TJP1: variants seen among roughly 807,000 people sequenced by gnomAD.
The protein encoded by TJP1 is tight junction protein ZO-1.
Under a neutral mutation model 194.2 loss-of-function variants are expected in TJP1, and 43 were observed. That is an observed-to-expected ratio of 0.22 (90% confidence interval 0.17 to 0.29). The LOEUF is 0.29. TJP1 is among the 10% of genes least tolerant of loss of function. TJP1 has a pLI of 1.00. For missense variants in TJP1, 1,971 were observed against 2,185.7 expected, an observed-to-expected ratio of 0.90 and a Z score of 1.96; for synonymous variants, 801 against 779.0, an observed-to-expected ratio of 1.03 and a Z score of -0.47.
intron 2 of TJP1, among the ~76,000 whole-genome samples, chr15:29,774,259 G>A (rs888404172): frequency 1.3e-5 from 2 of 151,666 alleles, no homozygotes; most frequent in African/African-American, 4.8e-5. Flanking sequence ...TTTTCACCAT[G>A]AATAGTGCAT....
At chr15:29,913,098 A>G (rs1358658649) in intron 2 of TJP1, among the ~76,000 whole-genome samples, 4 of 152,196 alleles carry the variant, frequency 2.6e-5, no homozygotes, top group African/African-American at 9.7e-5. Flanking sequence ...AGACAAGGAC[A>G]GCACAAGCAG....
intron 1 of TJP1, among the ~76,000 whole-genome samples, chr15:29,808,265 T>C (rs2049242074): frequency 6.6e-6 from 1 of 152,066 alleles, no homozygotes; most frequent in Admixed American, 6.6e-5. Flanking sequence ...GAGACTGTCT[T>C]AAAACAAAAA....
chr15:29,836,571 G>T (rs2051039540), intron 2 of TJP1, among the ~76,000 whole-genome samples: 1 of 152,050 alleles, frequency 6.6e-6, no homozygotes, highest in Non-Finnish European at 1.5e-5. Context: ...CGCCCAGCCG[G>T]GATGATCAAC....
In TJP1 at chr15:29,854,735, C is replaced by A. The variant is rs1051639267; in HGVS notation, c.307-54033G>T. ...CTCCCTTCACCCGGAGTACAATCCA[C>A]GCACCTGCCAATCAAAGCAACAAAG... On this transcript the variant is annotated intron_variant, in intron 2 of 28. Transcript: ENST00000356107. Among the ~76,000 whole-genome samples, 4 of 152,110 alleles carry A rather than the reference C, an allele frequency of 2.6e-5. 1 individual carries two copies. The South Asian group carries it at 6.2e-4, about 24-fold the overall frequency.
chr15:29,950,777 G>A (rs1009999581), intron 2 of TJP1, among the ~76,000 whole-genome samples: 10 of 152,156 alleles, frequency 6.6e-5, no homozygotes, highest in Admixed American at 4.6e-4. Flanking sequence ...AAAAACTTAG[G>A]ATGTGTTTAA....
chr15:29,963,380 C>T (rs1025600169), intron 1 of TJP1, among the ~76,000 whole-genome samples: 9 of 152,080 alleles, frequency 5.9e-5, no homozygotes, highest in African/African-American at 1.9e-4. Flanking sequence ...AAGTCAATGA[C>T]CTAATTTGTA....
intron 5 of TJP1, among the ~76,000 whole-genome samples, chr15:29,763,968 A>C (rs1276960866): frequency 2.6e-5 from 4 of 152,152 alleles, no homozygotes; most frequent in African/African-American, 9.7e-5. Context: ...TCAAGATTAA[A>C]CACTTATAAA....
Position 29,822,111 on chromosome 15 carries a change from C to G in TJP1, c.-83G>C. 8.2e-7 allele frequency: 1 copy of G among 1,222,120 alleles called. No homozygotes were observed. The highest frequency in any genetic ancestry group is 1.0e-6 in the Non-Finnish European group (1 of 979,256). The allele number at this position is 1,222,120 out of a possible 1,614,324, so 75.7% of individuals were successfully genotyped here. On this transcript the variant is annotated 5_prime_UTR_variant, in exon 1 of 28. Transcript: ENST00000614355. ...CCCGCCCGCTCCTCACGCCACAGCC[C>G]AAATAAACATCTCCCGAGAGCGAGC...
intron 2 of TJP1, among the ~76,000 whole-genome samples, chr15:29,881,837 A>T (rs770850292): frequency 6.6e-6 from 1 of 152,068 alleles, no homozygotes; most frequent in Non-Finnish European, 1.5e-5. Flanking sequence ...CACTACCTAT[A>T]TACACCAGTC....
chr15:29,908,546 T>C (rs530818190), intron 2 of TJP1, among the ~76,000 whole-genome samples: 18 of 152,314 alleles, frequency 1.2e-4, no homozygotes, highest in Admixed American at 6.5e-4. Context: ...CATTCTTCCT[T>C]GCTAACAAAT....
At chr15:29,750,094 G>A (rs898991230) in intron 8 of TJP1, among the ~76,000 whole-genome samples, 49 of 151,522 alleles carry the variant, frequency 3.2e-4, no homozygotes, top group Non-Finnish European at 6.6e-4. Flanking sequence ...TGCAAGCTCC[G>A]CCTCCCGGGT....
intron 2 of TJP1, among the ~76,000 whole-genome samples, chr15:29,872,895 C>T (rs1300595805): frequency 6.6e-6 from 1 of 152,194 alleles, no homozygotes; most frequent in Non-Finnish European, 1.5e-5. Flanking sequence ...AAGGTATTAC[C>T]TGCACTGTGG....
chr15:29,785,758 G>A (rs747571105), intron 2 of TJP1, among the ~76,000 whole-genome samples: 1 of 151,776 alleles, frequency 6.6e-6, no homozygotes, highest in African/African-American at 2.4e-5. Context: ...ACATTCAATG[G>A]AACCTGTTCT....
chr15:29,956,383 T>G (rs72721174), intron 1 of TJP1: 2 of 1,282,394 alleles, frequency 1.6e-6, no homozygotes, highest in Non-Finnish European at 2.0e-6. Context: ...AAGAAAAAAA[T>G]TCTTAAAAAG....
intron 2 of TJP1, among the ~76,000 whole-genome samples, chr15:29,789,206 T>C (rs72719072): frequency 0.044 from 6,706 of 152,276 alleles, 167 homozygotes; most frequent in South Asian, 0.075. Flanking sequence ...GGCGGTGCTG[T>C]TGTAGACCTC....
chr15:29,711,135 A>G (rs1435041356), intron 23 of TJP1, 135 bp from the exon 24 acceptor site: 2 of 956,222 alleles, frequency 2.1e-6, no homozygotes, highest in African/African-American at 1.7e-5. Context: ...GAGTATGGGT[A>G]GCTACTCTAC....
intron 2 of TJP1, among the ~76,000 whole-genome samples, chr15:29,841,587 T>A (rs2051227140): frequency 3.3e-5 from 5 of 152,182 alleles, no homozygotes; most frequent in Non-Finnish European, 5.9e-5. Flanking sequence ...AGTGATGTCT[T>A]GTCATGTATA....
intron 2 of TJP1, among the ~76,000 whole-genome samples, chr15:29,799,516 G>A (rs1033187660): frequency 4.0e-5 from 6 of 151,500 alleles, no homozygotes; most frequent in African/African-American, 7.3e-5. Context: ...CTGGGTTCAC[G>A]CCATTCTCCC....
chr15:29,801,121 T>A (rs1241450042), intron 1 of TJP1, among the ~76,000 whole-genome samples: 2 of 152,192 alleles, frequency 1.3e-5, no homozygotes, highest in Non-Finnish European at 2.9e-5. Flanking sequence ...ATTATAAATA[T>A]ACATGTCACA....
Sources: allele counts gnomAD v4.1 joint callset (sites outside exome capture counted in the v4.1 genomes callset), GRCh38; gene constraint gnomAD v4.1.1; transcripts MANE v1.5; gene names NCBI Gene and HGNC (gene_info 2026-07-23, HGNC 2026-07-21).